The following DNAJC3 variants were observed in gnomAD, a reference collection of about 807,000 sequenced individuals.
DNAJC3 encodes the protein dnaJ homolog subfamily C member 3.
Under a neutral mutation model 68.6 loss-of-function variants are expected in DNAJC3, and 38 were observed. That is an observed-to-expected ratio of 0.55 (90% CI 0.43 to 0.73). The LOEUF (loss-of-function observed/expected upper bound fraction) is 0.73. DNAJC3 is among the 30% of genes least tolerant of loss of function. The pLI is 0.00. For missense variants in DNAJC3, 526 were observed against 591.9 expected (o/e 0.89, Z 1.16); for synonymous variants, 203 against 204.0 (o/e 1.00, Z 0.04).
intron 4 of DNAJC3, among the ~76,000 whole-genome samples, chr13:95,747,822 G>T (rs908961414): frequency 2.6e-5 from 4 of 151,962 alleles, no homozygotes; most frequent in Non-Finnish European, 5.9e-5. Flanking sequence ...GAGATTCATT[G>T]GTTGGGGTGA....
In DNAJC3 at chr13:95,792,093, C is replaced by T. The variant is rs1394067646; in HGVS notation, c.*1063C>T. The T allele has an allele frequency of 6.6e-6, 1 of 152,200 alleles. No homozygotes were observed. Among genetic ancestry groups the T allele is most frequent in the African/African-American group, 2.4e-5 (1 of 41,450 alleles). 9.4% of individuals were successfully genotyped at this position (152,200 alleles called of 1,614,324 possible). On this transcript the variant is annotated 3_prime_UTR_variant, in exon 12 of 12. Coordinates refer to ENST00000602402, the MANE Select transcript of DNAJC3 (RefSeq NM_006260.5). ...GTTAAACAGCAGACCGGCCCTTCTACCAGATCTTGATGCCTCTGATTTTCT... is the reference window on the plus strand; with the variant it reads ...GTTAAACAGCAGACCGGCCCTTCTATCAGATCTTGATGCCTCTGATTTTCT...
At chr13:95,679,990 A>G (rs761501358) in intron 1 of DNAJC3, among the ~76,000 whole-genome samples, 1 of 152,248 alleles carries the variant, frequency 6.6e-6, no homozygotes, top group East Asian at 1.9e-4. Flanking sequence ...CAGAAAGTAT[A>G]TATCATGAAT....
chr13:95,685,671 CTTGGTGGTAGGTTT>C (rs1406063801), intron 1 of DNAJC3, among the ~76,000 whole-genome samples: 1 of 151,820 alleles, frequency 6.6e-6, no homozygotes. Flanking sequence ...GGAGTTGGGG[CTTGGTGGTAGGTTT>C]TTTGTTTTTT....
intron 4 of DNAJC3, among the ~76,000 whole-genome samples, chr13:95,753,379 A>G (rs1195290372): frequency 6.6e-6 from 1 of 151,940 alleles, no homozygotes; most frequent in Non-Finnish European, 1.5e-5. Flanking sequence ...TAGTTCTTTT[A>G]ACAAAGACTG....
rs1883306503 is a variant in DNAJC3 at position 95,776,823 on chromosome 13, A to G, written c.1076-9116A>G. Among the ~76,000 whole-genome samples the G allele has an allele frequency of 2.0e-5, 3 of 152,184 alleles. No individual in the cohort carries two copies. In the South Asian group the frequency reaches 6.2e-4, roughly 32 times the overall value. ...ATATTACTCAATTTATCAGTGGCTG[A>G]TGTTTTCTGATTGCTTCAGCTGATG... On this transcript the variant is annotated intron_variant, in intron 9 of 11. Transcript: ENST00000602402.
chr13:95,723,093 C>T (rs1881388732), intron 2 of DNAJC3, 149 bp from the exon 3 acceptor site: 1 of 745,944 alleles, frequency 1.3e-6, no homozygotes, highest in Non-Finnish European at 2.0e-6. Flanking sequence ...TCTTGCTAGG[C>T]AACATGACTC....
intron 11 of DNAJC3, among the ~76,000 whole-genome samples, chr13:95,787,906 GAGAATTTCAT>G (rs58061437): frequency 0.015 from 2,271 of 152,280 alleles, 62 homozygotes; most frequent in African/African-American, 0.052. Flanking sequence ...GCTGCTGCCA[GAGAATTTCAT>G]GTTAAGCTTA....
At chr13:95,788,013 T>G (rs913287451) in intron 11 of DNAJC3, among the ~76,000 whole-genome samples, 22 of 152,346 alleles carry the variant, frequency 1.4e-4, no homozygotes, top group African/African-American at 5.1e-4. Flanking sequence ...GTTTTATGTT[T>G]GTCAAATCTT....
intron 6 of DNAJC3, 142 bp from the exon 7 acceptor site, chr13:95,760,537 A>G: frequency 9.5e-7 from 1 of 1,057,424 alleles, no homozygotes; most frequent in Non-Finnish European, 1.3e-6. Context: ...CCACGTATAA[A>G]TGTATATAGT....
Position 95,791,765 on chromosome 13 carries a change from A to G in DNAJC3, c.*735A>G, listed in dbSNP as rs1307353358. 1 of 152,250 alleles carries G rather than the reference A, an allele frequency of 6.6e-6. No homozygotes were observed. The highest frequency in any genetic ancestry group is 1.5e-5 in the Non-Finnish European group (1 of 68,040). 9.4% of individuals were successfully genotyped at this position (152,250 alleles called of 1,614,324 possible). A position where few individuals can be genotyped will look rare whatever the true frequency, so the allele number is the denominator to read the frequency against. On this transcript the variant is annotated 3_prime_UTR_variant, in exon 12 of 12. Coordinates refer to ENST00000602402, the MANE Select transcript of DNAJC3 (RefSeq NM_006260.5). ...CTTTTAATATTAAACACAACAAATT[A>G]AAAGTTGTTATAGGTAAAATAAGTT...
chr13:95,708,530 T>A (rs1880842036), intron 1 of DNAJC3, among the ~76,000 whole-genome samples: 2 of 152,216 alleles, frequency 1.3e-5, no homozygotes, highest in South Asian at 4.1e-4. Context: ...TGCTGGTCCC[T>A]CTTCCTGGAA....
At chr13:95,721,097 C>T (rs1278927073) in intron 2 of DNAJC3, among the ~76,000 whole-genome samples, 7 of 152,188 alleles carry the variant, frequency 4.6e-5, no homozygotes, top group Non-Finnish European at 4.4e-5. Context: ...AACCACTATT[C>T]TACCTTCTGT....
chr13:95,763,998 G>A, intron 9 of DNAJC3, 45 bp downstream of exon 9: 3 of 1,589,776 alleles, frequency 1.9e-6, no homozygotes, highest in Non-Finnish European at 1.7e-6. Flanking sequence ...GTGTTGATTA[G>A]GAAATTATCA....
At chr13:95,750,730 C>G (rs1218546571) in intron 4 of DNAJC3, among the ~76,000 whole-genome samples, 1 of 151,974 alleles carries the variant, frequency 6.6e-6, no homozygotes, top group Non-Finnish European at 1.5e-5. Flanking sequence ...AGGCTGGTCT[C>G]AAACTCCTGG....
intron 9 of DNAJC3, among the ~76,000 whole-genome samples, chr13:95,772,481 A>G (rs1344010426): frequency 6.6e-6 from 1 of 152,222 alleles, no homozygotes. Flanking sequence ...TAATTTATAC[A>G]GCTACAATAA....
chr13:95,694,467 ATACT>A (rs762183416), intron 1 of DNAJC3: 10 of 152,570 alleles, frequency 6.6e-5, no homozygotes, highest in Admixed American at 3.9e-4. Flanking sequence ...AACCAAAATA[ATACT>A]TAATAAGAAT....
chr13:95,787,208 A>G (rs1883627638), intron 11 of DNAJC3, 53 bp downstream of exon 11: 1 of 1,574,836 alleles, frequency 6.3e-7, no homozygotes, highest in Non-Finnish European at 8.6e-7. Context: ...GTTAGAAGCG[A>G]GGGTGGAACA....
At chr13:95,731,729 T>G (rs1195077053) in intron 4 of DNAJC3, among the ~76,000 whole-genome samples, 1 of 152,002 alleles carries the variant, frequency 6.6e-6, no homozygotes, top group African/African-American at 2.4e-5. Context: ...TGGAGTGCAG[T>G]GGTGCGGACA....
Position 95,789,733 on chromosome 13 carries a change from A to C in DNAJC3, c.1358-1140A>C, listed in dbSNP as rs1883708166. 3.3e-5 allele frequency among the ~76,000 whole-genome samples: 5 copies of C among 152,260 alleles called. No homozygotes were observed. In the South Asian group the frequency reaches 1.0e-3, roughly 31 times the overall value. Reference sequence around the variant, plus strand: ...TTAAGGAATTGCCACACTGTCTTCCACAATGGCTGAATGAATTTACACTGC... The same window carrying C: ...TTAAGGAATTGCCACACTGTCTTCCCCAATGGCTGAATGAATTTACACTGC... On this transcript the variant is annotated intron_variant, in intron 11 of 11. Coordinates refer to ENST00000602402, the MANE Select transcript of DNAJC3 (RefSeq NM_006260.5).
Sources: gnomAD v4.1 joint callset for allele counts (sites outside exome capture counted in the v4.1 genomes callset) on GRCh38, gnomAD v4.1.1 for gene constraint, MANE v1.5 for transcripts, NCBI Gene and HGNC (gene_info 2026-07-23, HGNC 2026-07-21) for gene names.